PRKACB: variants seen among roughly 807,000 people sequenced by gnomAD.
PRKACB encodes protein kinase cAMP-activated catalytic subunit beta, also known as cAMP-dependent protein kinase catalytic subunit beta.
In PRKACB, 16 loss-of-function variants were observed where a neutral mutation model predicts 51.4. The observed-to-expected ratio is 0.31, with a 90% CI of 0.21 to 0.47. PRKACB has a LOEUF of 0.47. PRKACB is among the 20% of genes least tolerant of loss of function. PRKACB has a pLI of 1.00. For missense variants in PRKACB, 309 were observed against 464.5 expected, an observed-to-expected ratio of 0.67 and a Z score of 3.08; for synonymous variants, 147 against 154.4, an observed-to-expected ratio of 0.95 and a Z score of 0.35.
At chr1:84,082,032 G>A (rs12031206) in intron 1 of PRKACB, among the ~76,000 whole-genome samples, 27,518 of 152,118 alleles carry the variant, frequency 0.18, 2,777 homozygotes, top group South Asian at 0.25. Flanking sequence ...GGACTAATAC[G>A]TGCCAGGTTC....
intron 1 of PRKACB, among the ~76,000 whole-genome samples, chr1:84,149,130 G>A (rs1223631451): frequency 6.6e-6 from 1 of 151,850 alleles, no homozygotes; most frequent in African/African-American, 2.4e-5. Flanking sequence ...ATCTTCACTG[G>A]AGAAAATTTT....
Position 84,103,622 on chromosome 1 carries a change from C to T in PRKACB, c.46+25251C>T, listed in dbSNP as rs576554393. Among the ~76,000 whole-genome samples the T allele has an allele frequency of 2.6e-5, 4 of 152,260 alleles. No homozygotes were observed. The South Asian group carries it at 8.3e-4, about 32-fold the overall frequency. ...CAGCTTCTCGCAGCTGTTGAGCCAC[C>T]CAGCTTAGACCCCAGACATTGTGGT... On this transcript the variant is annotated intron_variant, in intron 1 of 8. Transcript: ENST00000370688.
chr1:84,096,426 C>T (rs1648931184), intron 1 of PRKACB, among the ~76,000 whole-genome samples: 1 of 152,102 alleles, frequency 6.6e-6, no homozygotes, highest in Non-Finnish European at 1.5e-5. Flanking sequence ...TTTCTGGTTT[C>T]TTGGCCCTAA....
chr1:84,175,841 GACTATTTAAATCATACAAACAGAAAA>G (rs1661057442), intron 1 of PRKACB: 1 of 1,481,172 alleles, frequency 6.8e-7, no homozygotes, highest in Non-Finnish European at 9.1e-7. Flanking sequence ...CAATGTGATA[GACTATTTAAATCATACAAACAGAAAA>G]AATATATAAT....
At chr1:84,234,575 G>A (rs1676402717) in intron 9 of PRKACB, among the ~76,000 whole-genome samples, 1 of 152,180 alleles carries the variant, frequency 6.6e-6, no homozygotes, top group Non-Finnish European at 1.5e-5. Flanking sequence ...GACTCCGTGG[G>A]CGTAGGTCCC....
chr1:84,165,654 T>C (rs1439152706), intron 1 of PRKACB, among the ~76,000 whole-genome samples: 1 of 151,800 alleles, frequency 6.6e-6, no homozygotes, highest in Admixed American at 6.6e-5. Context: ...ATGTGATTTA[T>C]TTTTTCTAAA....
At chr1:84,078,529 C>A (rs898998632) in intron 1 of PRKACB, among the ~76,000 whole-genome samples, 1 of 152,220 alleles carries the variant, frequency 6.6e-6, no homozygotes, top group Non-Finnish European at 1.5e-5. Context: ...TGCCTTTCTC[C>A]TCCATTCCGA....
chr1:84,190,430 T>C (rs564526848), intron 5 of PRKACB, among the ~76,000 whole-genome samples: 1 of 152,122 alleles, frequency 6.6e-6, no homozygotes, highest in East Asian at 1.9e-4. Flanking sequence ...AGAGTCGTTA[T>C]TTTAAGTTAT....
At chr1:84,126,237 C>T (rs1166246053) in intron 1 of PRKACB, among the ~76,000 whole-genome samples, 1 of 152,106 alleles carries the variant, frequency 6.6e-6, no homozygotes, top group Non-Finnish European at 1.5e-5. Flanking sequence ...CCTCTTGGTA[C>T]CCGAGTACTT....
intron 1 of PRKACB, among the ~76,000 whole-genome samples, chr1:84,124,124 A>G (rs573359729): frequency 6.6e-6 from 1 of 152,322 alleles, no homozygotes; most frequent in Non-Finnish European, 1.5e-5. Context: ...TATTGAGTGT[A>G]TACTGTGTGA....
chr1:84,117,682 C>T (rs565023215), intron 1 of PRKACB, among the ~76,000 whole-genome samples: 3 of 152,076 alleles, frequency 2.0e-5, no homozygotes, highest in South Asian at 2.1e-4. Flanking sequence ...TTTGCATCTT[C>T]GCTTTTCTTG....
chr1:84,234,938 C>T (rs1056297152), intron 9 of PRKACB, among the ~76,000 whole-genome samples: 2 of 152,334 alleles, frequency 1.3e-5, no homozygotes, highest in South Asian at 2.1e-4. Context: ...TTGGCTTCTC[C>T]TCTTATCCCA....
Position 84,237,539 on chromosome 1 carries a change from T to G in PRKACB, c.*2234T>G, listed in dbSNP as rs1676762720. 1 of 151,840 alleles carries G rather than the reference T, an allele frequency of 6.6e-6. No homozygotes were observed. Among genetic ancestry groups the G allele is most frequent in the African/African-American group, 2.4e-5 (1 of 40,860 alleles). The allele number at this position is 151,840 out of a possible 1,614,324, so 9.4% of individuals were successfully genotyped here. On this transcript the variant is annotated 3_prime_UTR_variant, in exon 10 of 10. Coordinates refer to ENST00000370685, the MANE Select transcript of PRKACB (RefSeq NM_182948.4). The stretch of plus-strand genomic sequence containing the variant: ...GGGCTATTCAGCCATTCCATTTTAC[T>G]CTCTATTTAAAGGCCGTGAGCAAGC...
chr1:84,093,985 CTG>C (rs1648724472), intron 1 of PRKACB, among the ~76,000 whole-genome samples: 3 of 151,838 alleles, frequency 2.0e-5, no homozygotes, highest in Non-Finnish European at 4.4e-5. Flanking sequence ...ATTTTATTAA[CTG>C]TAAGTTATTT....
intron 1 of PRKACB, among the ~76,000 whole-genome samples, chr1:84,165,464 G>T (rs997645453): frequency 2.0e-5 from 3 of 151,700 alleles, no homozygotes; most frequent in African/African-American, 7.3e-5. Flanking sequence ...GATGCTGCCA[G>T]AATTTTGTTG....
At chr1:84,163,240 T>C (rs979793760) in intron 1 of PRKACB, among the ~76,000 whole-genome samples, 4 of 151,998 alleles carry the variant, frequency 2.6e-5, no homozygotes, top group Non-Finnish European at 5.9e-5. Context: ...GGGCCCTCTT[T>C]CGTGTCCTTT....
At chr1:84,163,708 G>A (rs2100715563) in intron 1 of PRKACB, among the ~76,000 whole-genome samples, 1 of 152,104 alleles carries the variant, frequency 6.6e-6, no homozygotes. Flanking sequence ...TCGATTTCCA[G>A]AGCCATGAAA....
chr1:84,156,315 GA>G (rs2100670709), intron 1 of PRKACB, among the ~76,000 whole-genome samples: 1 of 152,130 alleles, frequency 6.6e-6, no homozygotes, highest in South Asian at 2.1e-4. Context: ...AGCCACTGTT[GA>G]TTTTACCACT....
intron 5 of PRKACB, among the ~76,000 whole-genome samples, chr1:84,186,648 G>T (rs1665202937): frequency 6.6e-6 from 1 of 152,056 alleles, no homozygotes; most frequent in African/African-American, 2.4e-5. Flanking sequence ...TTTTGATCAA[G>T]ATCTTTCTCT....
Sources: allele counts gnomAD v4.1 joint callset (sites outside exome capture counted in the v4.1 genomes callset), GRCh38; gene constraint gnomAD v4.1.1; transcripts MANE v1.5; gene names NCBI Gene and HGNC (gene_info 2026-07-23, HGNC 2026-07-21).